CCDC88C: variants seen among roughly 807,000 people sequenced by gnomAD.
The protein encoded by CCDC88C is protein Daple.
CCDC88C carries 131 observed loss-of-function variants against 198.8 expected under a neutral mutation model. The observed-to-expected ratio is 0.66, with a 90% CI of 0.57 to 0.76. The LOEUF is 0.76. CCDC88C is among the 30% of genes least tolerant of loss of function. CCDC88C has a pLI of 0.00. For missense variants in CCDC88C, 2,553 were observed against 2,631.6 expected (o/e 0.97, Z 0.65); for synonymous variants, 1,166 against 1,114.7 (o/e 1.05, Z -0.92).
chr14:91,307,712 C>T (rs1211602813), intron 17 of CCDC88C, among the ~76,000 whole-genome samples: 2 of 152,140 alleles, frequency 1.3e-5, no homozygotes, highest in African/African-American at 4.8e-5. Context: ...ACCTGATCAC[C>T]TGTGAGAGTG....
intron 20 of CCDC88C, among the ~76,000 whole-genome samples, 159 bp from the exon 21 acceptor site, chr14:91,300,229 G>A (rs1245165688): frequency 6.6e-6 from 1 of 152,200 alleles, no homozygotes; most frequent in African/African-American, 2.4e-5. Flanking sequence ...AACAGGCGGG[G>A]AGCGCAGCCA....
Position 91,408,764 on chromosome 14 carries a change from A to G in CCDC88C, c.165T>C (p.Asp55=), listed in dbSNP as rs779616827. ...IFLNQIMLQI[D]PRPTNQRINK... ...TGATGCGTTGATTTGTGGGCCTGGG[A>G]TCTCTAGGGGAAGAAACACGAGAAT... The change falls in exon 3 of 30, where the codon GAT becomes GAC. Residue 55 remains aspartate, a synonymous_variant. Coordinates refer to ENST00000389857, the MANE Select transcript of CCDC88C (RefSeq NM_001080414.4). 1.9e-6 allele frequency: 3 copies of G among 1,608,420 alleles called. No homozygotes were observed. The highest frequency in any genetic ancestry group is 2.2e-5 in the South Asian group (2 of 90,922).
intron 5 of CCDC88C, among the ~76,000 whole-genome samples, chr14:91,342,849 T>C (rs983667696): frequency 1.3e-5 from 2 of 152,224 alleles, no homozygotes; most frequent in African/African-American, 4.8e-5. Context: ...AGATGGTAAA[T>C]ATTTTAGACT....
At chr14:91,411,062 C>T (rs1886762545) in intron 2 of CCDC88C, among the ~76,000 whole-genome samples, 1 of 152,140 alleles carries the variant, frequency 6.6e-6, no homozygotes, top group Non-Finnish European at 1.5e-5. Context: ...TAAAAGAACC[C>T]TGACATTTAC....
chr14:91,401,225 A>T (rs1322748364), intron 3 of CCDC88C, among the ~76,000 whole-genome samples: 1 of 144,048 alleles, frequency 6.9e-6, no homozygotes, highest in Admixed American at 7.0e-5. Context: ...CCATAGTAAG[A>T]ATATATATAT....
chr14:91,289,159 G>A lies in CCDC88C; in HGVS notation c.4387C>T (p.Leu1463=), dbSNP rs753414934. The A allele has an allele frequency of 2.5e-6, 4 of 1,613,774 alleles. No individual in the cohort carries two copies. The highest frequency in any genetic ancestry group is 1.1e-5 in the South Asian group (1 of 91,084). The change falls in exon 25 of 30, where the codon CTG becomes TTG. Residue 1463 remains leucine (L), a synonymous_variant. Transcript: ENST00000389857. The stretch of plus-strand genomic sequence containing the variant: ...CGCTCTTCTGCACAGTTGGAGCCCA[G>A]TGCGGGGGTGTCGGGGTTCTCGGCC... ...SQAENPDTPA[L]GSNCAEERDA...
At chr14:91,366,913 C>A (rs565604118) in intron 3 of CCDC88C, among the ~76,000 whole-genome samples, 2 of 152,300 alleles carry the variant, frequency 1.3e-5, no homozygotes, top group Admixed American at 1.3e-4. Context: ...ACTGTGCCTG[C>A]TCCAACAAAA....
At chr14:91,335,349 C>CCTCCAG (rs1893005796) in intron 10 of CCDC88C, among the ~76,000 whole-genome samples, 2 of 152,148 alleles carry the variant, frequency 1.3e-5, no homozygotes, top group Non-Finnish European at 1.5e-5. Flanking sequence ...CCTGAGAGCC[C>CCTCCAG]CTCCAGCCTC....
In CCDC88C at chr14:91,309,985, T is replaced by A; in HGVS notation, c.2738A>T (p.Asp913Val). Residue 913 changes from aspartate to valine, a missense_variant and splice_region_variant, in exon 16 of 30, where the codon GAC becomes GTC. Asp to Val is a radical substitution (Grantham distance 152, BLOSUM62 -3). Transcript: ENST00000389857. Reference sequence around the variant, plus strand: ...GCTCTTCAGCTTCTCGAGCACCAGGTCCTGGAATGATGGGGAGAGAGCACT... The same window carrying A: ...GCTCTTCAGCTTCTCGAGCACCAGGACCTGGAATGATGGGGAGAGAGCACT... The part of the protein sequence containing the change: ...HARTLTTLRE[D>V]LVLEKLKSQQ... 1 of 1,594,676 alleles carries A rather than the reference T, an allele frequency of 6.3e-7. No homozygotes were observed. The highest frequency in any genetic ancestry group is 8.5e-7 in the Non-Finnish European group (1 of 1,170,812).
At chr14:91,319,935 G>C (rs1892277769) in intron 13 of CCDC88C, among the ~76,000 whole-genome samples, 1 of 139,400 alleles carries the variant, frequency 7.2e-6, no homozygotes, top group East Asian at 2.2e-4. Flanking sequence ...TGAGGCAGGA[G>C]AATCACTTGA....
At position 91,293,550 on chromosome 14, in the gene CCDC88C, GT is replaced by G. The variant is rs1567055855; in HGVS notation, c.4112+622del. 1.9e-3 allele frequency among the ~76,000 whole-genome samples: 39 copies of G among 20,898 alleles called. 5 individuals carry two copies. The highest frequency in any genetic ancestry group is 0.012 in the South Asian group (5 of 412). The allele number at this position is 20,898 out of a possible 152,430, so 13.7% of individuals were successfully genotyped here. A position where few individuals can be genotyped will look rare whatever the true frequency, so the allele number is the denominator to read the frequency against. ...CTCACCTGCCACGGCCCACCTTCCT[GT>G]CCCCTCGCCTGCCACGGCCCACCTT... On this transcript the variant is annotated intron_variant, in intron 23 of 29. Transcript: ENST00000389857.
chr14:91,393,612 C>T (rs1013765167), intron 3 of CCDC88C, among the ~76,000 whole-genome samples: 2 of 152,214 alleles, frequency 1.3e-5, no homozygotes, highest in African/African-American at 2.4e-5. Context: ...TTGGGATACT[C>T]GCCTCTGCAA....
chr14:91,332,370 C>A (rs539552004), intron 10 of CCDC88C, among the ~76,000 whole-genome samples: 1 of 152,322 alleles, frequency 6.6e-6, no homozygotes, highest in East Asian at 1.9e-4. Context: ...CCGAGGGACA[C>A]CTACTCTGCT....
At chr14:91,389,862 G>A (rs1885385372) in intron 3 of CCDC88C, among the ~76,000 whole-genome samples, 1 of 151,972 alleles carries the variant, frequency 6.6e-6, no homozygotes. Context: ...CACAAGGTCA[G>A]GAGATGGAGA....
At chr14:91,386,633 C>T (rs912275344) in intron 3 of CCDC88C, among the ~76,000 whole-genome samples, 1 of 152,260 alleles carries the variant, frequency 6.6e-6, no homozygotes, top group African/African-American at 2.4e-5. Flanking sequence ...TCGGGCCAAT[C>T]TGTGTGTTTT....
intron 3 of CCDC88C, among the ~76,000 whole-genome samples, chr14:91,407,664 G>A (rs569249760): frequency 1.3e-5 from 2 of 152,144 alleles, no homozygotes; most frequent in South Asian, 2.1e-4. Flanking sequence ...GAAAAGGTTT[G>A]AAAACCAGGG....
chr14:91,382,956 A>G (rs372397504), intron 3 of CCDC88C, among the ~76,000 whole-genome samples: 1 of 152,166 alleles, frequency 6.6e-6, no homozygotes, highest in South Asian at 2.1e-4. Flanking sequence ...GAGGCTACAA[A>G]GCAGGGGCCT....
chr14:91,340,152 C>A, intron 6 of CCDC88C, 128 bp from the exon 7 acceptor site: 1 of 1,304,076 alleles, frequency 7.7e-7, no homozygotes, highest in African/African-American at 1.5e-5. Flanking sequence ...CGGTGGCCAG[C>A]AAAAGGGTGC....
At chr14:91,363,470 C>T (rs1894398578) in intron 3 of CCDC88C, among the ~76,000 whole-genome samples, 1 of 151,882 alleles carries the variant, frequency 6.6e-6, no homozygotes, top group Non-Finnish European at 1.5e-5. Context: ...ACAGCACATC[C>T]CAATTCAGAT....
Sources: allele counts gnomAD v4.1 joint callset (sites outside exome capture counted in the v4.1 genomes callset), GRCh38; gene constraint gnomAD v4.1.1; transcripts MANE v1.5; gene names NCBI Gene and HGNC (gene_info 2026-07-23, HGNC 2026-07-21).